CHN2: variants seen among roughly 807,000 people sequenced by gnomAD.
The protein encoded by CHN2 is beta-chimaerin.
A neutral mutation model predicts 56.3 loss-of-function variants in CHN2; 35 were observed. That is an observed-to-expected ratio of 0.62 (90% CI 0.47 to 0.82). The LOEUF is 0.82. Ranked by LOEUF, CHN2 falls within the 40% of genes least tolerant of loss-of-function variation. CHN2 has a pLI of 0.00. For synonymous variants in CHN2, 210 were observed against 212.8 expected, an observed-to-expected ratio of 0.99 and a Z score of 0.12; for missense variants, 491 against 580.5, an observed-to-expected ratio of 0.85 and a Z score of 1.58.
chr7:29,506,311 A>C (rs1446641500), intron 10 of CHN2, among the ~76,000 whole-genome samples: 1 of 152,170 alleles, frequency 6.6e-6, no homozygotes, highest in Non-Finnish European at 1.5e-5. Context: ...CAGATACATT[A>C]GTATAATATA....
chr7:29,390,052 T>TGA (rs1801237176), intron 3 of CHN2, among the ~76,000 whole-genome samples: 5 of 17,296 alleles, frequency 2.9e-4, no homozygotes, highest in Non-Finnish European at 7.4e-4. Flanking sequence ...AGACACTGTC[T>TGA]CAAAAAAAAA....
chr7:29,362,087 A>T (rs1798782129), intron 2 of CHN2, among the ~76,000 whole-genome samples: 1 of 152,212 alleles, frequency 6.6e-6, no homozygotes, highest in African/African-American at 2.4e-5. Flanking sequence ...GGACTGGGAG[A>T]GTAAGCAATG....
intron 6 of CHN2, chr7:29,445,226 T>C (rs1562612854): frequency 4.4e-6 from 2 of 452,724 alleles, no homozygotes; most frequent in Admixed American, 4.7e-5. Flanking sequence ...TAGATTCTTA[T>C]TGGGAACACT....
At position 29,512,842 on chromosome 7, in the gene CHN2, A is replaced by C; in HGVS notation, c.*107A>C. 7.8e-7 allele frequency: 1 copy of C among 1,276,438 alleles called. No individual in the cohort carries two copies. Among genetic ancestry groups the C allele is most frequent in the Non-Finnish European group, 1.1e-6 (1 of 928,788 alleles). 79.1% of individuals were successfully genotyped at this position (1,276,438 alleles called of 1,614,324 possible). A position where few individuals can be genotyped will look rare whatever the true frequency, so the allele number is the denominator to read the frequency against. On this transcript the variant is annotated 3_prime_UTR_variant, in exon 13 of 13. Transcript: ENST00000222792. ...GATTTGTTTTCCAAGCAAGTGCTAG[A>C]ATTTCCTGGACTGCAGAGGATCGCT...
intron 6 of CHN2, among the ~76,000 whole-genome samples, chr7:29,442,222 A>G (rs1207687952): frequency 6.6e-6 from 1 of 152,228 alleles, no homozygotes; most frequent in Non-Finnish European, 1.5e-5. Context: ...AAGAAAGGAA[A>G]GAAGTGGCTC....
intron 3 of CHN2, among the ~76,000 whole-genome samples, chr7:29,368,422 A>C (rs1799347642): frequency 6.6e-6 from 1 of 152,172 alleles, no homozygotes; most frequent in Non-Finnish European, 1.5e-5. Context: ...ATTTTAAAAT[A>C]ATAAAGCCTT....
chr7:29,368,094 C>A, intron 3 of CHN2, 107 bp downstream of exon 3: 4 of 865,708 alleles, frequency 4.6e-6, no homozygotes, highest in Non-Finnish European at 6.6e-6. Context: ...TTTCTATTAA[C>A]ATTTGTTGGA....
chr7:29,474,737 A>G (rs112482013), intron 6 of CHN2, among the ~76,000 whole-genome samples: 9 of 152,348 alleles, frequency 5.9e-5, no homozygotes, highest in South Asian at 2.1e-4. Flanking sequence ...TACAGGACCA[A>G]TGATGACATT....
chr7:29,501,282 T>C (rs1789942758), intron 9 of CHN2, among the ~76,000 whole-genome samples: 1 of 152,224 alleles, frequency 6.6e-6, no homozygotes, highest in Admixed American at 6.5e-5. Flanking sequence ...CTTCTATCTT[T>C]TCACCACTGT....
At chr7:29,308,594 C>T (rs1181302646) in intron 1 of CHN2, among the ~76,000 whole-genome samples, 3 of 152,280 alleles carry the variant, frequency 2.0e-5, no homozygotes, top group Non-Finnish European at 4.4e-5. Flanking sequence ...TCTCTGCAGT[C>T]ACCTGCTGAG....
At chr7:29,482,783 G>A (rs562659420) in intron 7 of CHN2, among the ~76,000 whole-genome samples, 12 of 124,680 alleles carry the variant, frequency 9.6e-5, no homozygotes, top group Non-Finnish European at 1.7e-4. Flanking sequence ...GCTAGGTGCT[G>A]TCTGCACTTT....
chr7:29,256,369 G>A lies in CHN2; in HGVS notation c.49+61379G>A, dbSNP rs148680882. ...TTCTCACATAGTTTTAATGTTTATCGATTTCAAGTGTTCTTTCTTGATAAG... is the reference window on the plus strand; with the variant it reads ...TTCTCACATAGTTTTAATGTTTATCAATTTCAAGTGTTCTTTCTTGATAAG... On this transcript the variant is annotated intron_variant, in intron 1 of 12. Transcript: ENST00000222792. Among the ~76,000 whole-genome samples the A allele has an allele frequency of 3.6e-3, 542 of 152,300 alleles. 1 individual carries two copies. The highest frequency in any genetic ancestry group is 0.017 in the South Asian group (83 of 4,830).
intron 8 of CHN2, among the ~76,000 whole-genome samples, chr7:29,497,055 G>C (rs1018733134): frequency 6.6e-6 from 1 of 152,172 alleles, no homozygotes; most frequent in Non-Finnish European, 1.5e-5. Context: ...GCCTGGAAGA[G>C]GCTTCTAGCT....
At chr7:29,374,391 CT>C (rs757437529) in intron 3 of CHN2, among the ~76,000 whole-genome samples, 3 of 151,170 alleles carry the variant, frequency 2.0e-5, no homozygotes, top group Non-Finnish European at 4.4e-5. Context: ...ATGTTTTCTG[CT>C]TTTTTTTTAA....
Position 29,198,572 on chromosome 7 carries a change from C to T in CHN2, c.49+3582C>T, listed in dbSNP as rs148979250. ...TACTGGTAATTAAATTTCACAATCACCTAGATTGGCAGGAAGCTTTGATTA... is the reference window on the plus strand; with the variant it reads ...TACTGGTAATTAAATTTCACAATCATCTAGATTGGCAGGAAGCTTTGATTA... On this transcript the variant is annotated intron_variant, in intron 1 of 12. Transcript: ENST00000222792. Among the ~76,000 whole-genome samples, 1,150 of 152,114 alleles carry T rather than the reference C, an allele frequency of 7.6e-3. 19 individuals are homozygous for T. The highest frequency in any genetic ancestry group is 0.026 in the African/African-American group (1,096 of 41,472).
At chr7:29,469,046 T>C (rs1160859011) in intron 6 of CHN2, among the ~76,000 whole-genome samples, 3 of 152,198 alleles carry the variant, frequency 2.0e-5, no homozygotes, top group Non-Finnish European at 2.9e-5. Context: ...TCTTTCACTC[T>C]TGCTCCTCCT....
At chr7:29,404,013 T>C (rs748034027) in intron 6 of CHN2, among the ~76,000 whole-genome samples, 3 of 152,158 alleles carry the variant, frequency 2.0e-5, no homozygotes, top group Admixed American at 6.5e-5. Context: ...GGAATCACCA[T>C]CCCCATCTTA....
chr7:29,202,449 T>C (rs907342866), intron 1 of CHN2, among the ~76,000 whole-genome samples: 2 of 152,242 alleles, frequency 1.3e-5, no homozygotes, highest in African/African-American at 4.8e-5. Context: ...CTTGAACTTC[T>C]GTTACCATCC....
intron 2 of CHN2, among the ~76,000 whole-genome samples, chr7:29,174,139 CG>C (rs963290239): frequency 4.6e-5 from 7 of 151,914 alleles, no homozygotes; most frequent in East Asian, 3.9e-4. Context: ...GAGACCCCCC[CG>C]TTTGGTGGCA....
Sources: gnomAD v4.1 joint callset for allele counts (sites outside exome capture counted in the v4.1 genomes callset) on GRCh38, gnomAD v4.1.1 for gene constraint, MANE v1.5 for transcripts, NCBI Gene and HGNC (gene_info 2026-07-23, HGNC 2026-07-21) for gene names.